BMPR2: variants seen among roughly 807,000 people sequenced by gnomAD.
The protein encoded by BMPR2 is bone morphogenetic protein receptor type 2.
A neutral mutation model predicts 100.8 loss-of-function variants in BMPR2; 29 were observed. The observed-to-expected ratio is 0.29, with a 90% CI of 0.21 to 0.39. BMPR2 has a LOEUF of 0.39. BMPR2 is among the 10% of genes least tolerant of loss of function. The probability of loss-of-function intolerance (pLI) is 1.00; values close to 1 mark genes in which losing one functional copy is unlikely to be tolerated. For synonymous variants in BMPR2, 382 were observed against 442.3 expected (o/e 0.86, Z 1.71); for missense variants, 1,011 against 1,274.5 (o/e 0.79, Z 3.15).
chr2:202,518,127 CTTTTTTTT>C (rs35869694), intron 5 of BMPR2, among the ~76,000 whole-genome samples: 6 of 77,050 alleles, frequency 7.8e-5, no homozygotes, highest in Admixed American at 1.6e-4. Context: ...CGCCTGGCCT[CTTTTTTTT>C]TTTTTTTTTT....
chr2:202,550,771 C>T (rs1175846395), intron 10 of BMPR2, among the ~76,000 whole-genome samples: 4 of 151,796 alleles, frequency 2.6e-5, no homozygotes, highest in Non-Finnish European at 5.9e-5. Flanking sequence ...CCACAGCACT[C>T]GAGCCTGGGC....
chr2:202,484,529 C>T (rs1220696783), intron 3 of BMPR2, among the ~76,000 whole-genome samples: 2 of 150,444 alleles, frequency 1.3e-5, no homozygotes, highest in African/African-American at 4.9e-5. Context: ...AAAAAATTAG[C>T]GGGCTTGGTG....
At chr2:202,402,220 G>A (rs1690780214) in intron 1 of BMPR2, among the ~76,000 whole-genome samples, 1 of 152,120 alleles carries the variant, frequency 6.6e-6, no homozygotes, top group South Asian at 2.1e-4. Flanking sequence ...GCATACTTGT[G>A]TTATTAGAAT....
At chr2:202,499,210 C>T (rs1202810945) in intron 3 of BMPR2, among the ~76,000 whole-genome samples, 3 of 152,166 alleles carry the variant, frequency 2.0e-5, no homozygotes, top group Admixed American at 6.5e-5. Flanking sequence ...CTGATAGGTA[C>T]ATAGATGTCC....
intron 2 of BMPR2, among the ~76,000 whole-genome samples, chr2:202,466,366 A>T (rs1692321077): frequency 6.6e-6 from 1 of 151,522 alleles, no homozygotes; most frequent in Admixed American, 6.6e-5. Flanking sequence ...GGCTCACTGC[A>T]ACCTCCGCCT....
At chr2:202,433,462 T>C (rs964443674) in intron 1 of BMPR2, among the ~76,000 whole-genome samples, 5 of 150,726 alleles carry the variant, frequency 3.3e-5, no homozygotes, top group Non-Finnish European at 7.3e-5. Context: ...CAAAGCAACA[T>C]GAATTCTACT....
At chr2:202,504,301 T>C (rs933616084) in intron 3 of BMPR2, among the ~76,000 whole-genome samples, 2 of 152,122 alleles carry the variant, frequency 1.3e-5, no homozygotes, top group Non-Finnish European at 2.9e-5. Flanking sequence ...CATACTGTTT[T>C]TATGAGCTGT....
At chr2:202,423,967 G>A (rs1054829295) in intron 1 of BMPR2, among the ~76,000 whole-genome samples, 5 of 151,882 alleles carry the variant, frequency 3.3e-5, no homozygotes, top group Admixed American at 2.0e-4. Flanking sequence ...CAACTACATG[G>A]GAGGCTGAGG....
intron 1 of BMPR2, among the ~76,000 whole-genome samples, chr2:202,463,334 A>G (rs1436454653): frequency 2.0e-5 from 3 of 152,212 alleles, no homozygotes; most frequent in Non-Finnish European, 4.4e-5. Flanking sequence ...TTCTAATCCT[A>G]TGAATCATGT....
intron 1 of BMPR2, among the ~76,000 whole-genome samples, chr2:202,435,379 A>G (rs1340640832): frequency 1.5e-4 from 7 of 46,556 alleles, no homozygotes; most frequent in African/African-American, 8.3e-4. Flanking sequence ...AAAAATACAT[A>G]TATATATATA....
rs148706740 is a variant in BMPR2, at chr2:202,558,988, G to A, written c.2867-708G>A. On this transcript the variant is annotated intron_variant, in intron 12 of 12. Transcript: ENST00000374580. ...TTCTGTTATTCTTCTGAAAAATATT[G>A]TATGCCAGGTGCCTTTAAAATTTGA... Among the ~76,000 whole-genome samples the A allele has an allele frequency of 4.7e-3, 703 of 150,022 alleles. 6 individuals carry two copies. Among genetic ancestry groups the A allele is most frequent in the Non-Finnish European group, 3.8e-3 (256 of 67,556 alleles).
intron 7 of BMPR2, among the ~76,000 whole-genome samples, chr2:202,527,798 A>AAAAATAAT (rs1351092261): frequency 2.0e-5 from 3 of 151,996 alleles, no homozygotes; most frequent in African/African-American, 7.2e-5. Flanking sequence ...CATCTCAAAA[A>AAAAATAAT]AAAATAATAA....
chr2:202,383,887 A>T (rs1466501934), intron 1 of BMPR2, among the ~76,000 whole-genome samples: 5 of 151,112 alleles, frequency 3.3e-5, no homozygotes, highest in African/African-American at 1.2e-4. Flanking sequence ...AAGCACTAAT[A>T]TTGGCTGGGC....
Position 202,556,421 on chromosome 2 carries a change from G to T in BMPR2, c.2756G>T (p.Gly919Val), listed in dbSNP as rs1044011540. 6.2e-7 allele frequency: 1 copy of T among 1,614,158 alleles called. No homozygotes were observed. Among genetic ancestry groups the T allele is most frequent in the Non-Finnish European group, 8.5e-7 (1 of 1,180,046 alleles). ...TCAGAACAAGATGTTCTTGCACAGG[G>T]TGTTCCAAGCACAGCAGCAGATCCT... ...PCSEQDVLAQ[G>V]VPSTAADPGP... Residue 919 changes from glycine to valine, a missense_variant, in exon 12 of 13, where the codon GGT becomes GTT. By Grantham distance (109) the Gly-to-Val change is moderately radical. Transcript: ENST00000374580.
At position 202,382,128 on chromosome 2, in the gene BMPR2, C is replaced by T. The variant is rs939879603; in HGVS notation, c.76+4578C>T. Among the ~76,000 whole-genome samples, 5 of 145,494 alleles carry T rather than the reference C, an allele frequency of 3.4e-5. No individual in the cohort carries two copies. In the East Asian group the frequency reaches 6.0e-4, roughly 18 times the overall value. On this transcript the variant is annotated intron_variant, in intron 1 of 12. Transcript: ENST00000374580. ...AGCCTGGAGTGGAGTGGCACGATCT[C>T]GACTCATTACAACCTCCACCTCCCA...
chr2:202,417,946 A>G (rs1691171902), intron 1 of BMPR2, among the ~76,000 whole-genome samples: 1 of 150,932 alleles, frequency 6.6e-6, no homozygotes, highest in African/African-American at 2.4e-5. Flanking sequence ...TCTTGATCTC[A>G]TGACCTCCTG....
intron 3 of BMPR2, among the ~76,000 whole-genome samples, chr2:202,497,912 G>C (rs766957239): frequency 6.6e-6 from 1 of 152,166 alleles, no homozygotes; most frequent in Non-Finnish European, 1.5e-5. Context: ...CCAAAGCCCT[G>C]TCACAGTGGG....
At chr2:202,434,122 C>G (rs1043837410) in intron 1 of BMPR2, among the ~76,000 whole-genome samples, 1 of 150,570 alleles carries the variant, frequency 6.6e-6, no homozygotes, top group Non-Finnish European at 1.5e-5. Flanking sequence ...GGCAAACTTT[C>G]ATCTCATTGG....
intron 1 of BMPR2, among the ~76,000 whole-genome samples, chr2:202,421,255 A>G (rs950542540): frequency 6.6e-6 from 1 of 150,936 alleles, no homozygotes; most frequent in African/African-American, 2.4e-5. Flanking sequence ...CATCTCAAAA[A>G]AAGGGAGAAA....
Sources: gnomAD v4.1 joint callset for allele counts (sites outside exome capture counted in the v4.1 genomes callset) on GRCh38, gnomAD v4.1.1 for gene constraint, MANE v1.5 for transcripts, NCBI Gene and HGNC (gene_info 2026-07-23, HGNC 2026-07-21) for gene names.